PIWIL2: variants seen among roughly 807,000 people sequenced by gnomAD.
PIWIL2 encodes the protein piwi-like protein 2.
PIWIL2 carries 81 observed loss-of-function variants against 116.5 expected under a neutral mutation model. That is an observed-to-expected ratio of 0.70 (90% confidence interval 0.58 to 0.84). The LOEUF is 0.84. Among genes scored for constraint, PIWIL2 ranks in the 40% least tolerant of loss-of-function variants. The pLI is 0.00. For missense variants in PIWIL2, 1,272 were observed against 1,212.3 expected (o/e 1.05, Z -0.73); for synonymous variants, 489 against 429.5 (o/e 1.14, Z -1.71).
chr8:22,335,936 CCATGAGAAAGA>C (rs1831971648), intron 20 of PIWIL2, among the ~76,000 whole-genome samples: 1 of 152,046 alleles, frequency 6.6e-6, no homozygotes, highest in Admixed American at 6.6e-5. Flanking sequence ...AAGAGTCAAT[CCATGAGAAAGA>C]CATAACAATT....
chr8:22,279,511 G>T lies in PIWIL2; in HGVS notation c.125G>T (p.Gly42Val), dbSNP rs1364481152. Residue 42 changes from glycine to valine, a missense_variant, in exon 2 of 23, where the codon GGA becomes GTA. Transcript: ENST00000356766. ...CCTTTGGACCCAGCTCTGGGCAGGG[G>T]AGCACCTGCAGGCAGAGGCCATGTA... ...SKPLDPALGR[G>V]APAGRGHVFG... The T allele has an allele frequency of 6.2e-7, 1 of 1,614,212 alleles. No individual in the cohort carries two copies. The highest frequency in any genetic ancestry group is 1.7e-5 in the Admixed American group (1 of 60,014).
intron 20 of PIWIL2, among the ~76,000 whole-genome samples, chr8:22,349,818 C>T (rs530411074): frequency 4.1e-4 from 63 of 152,308 alleles, no homozygotes; most frequent in Non-Finnish European, 7.3e-5. Context: ...AGGCTAACTC[C>T]TGGGGTTTCA....
intron 5 of PIWIL2, 100 bp downstream of exon 5, chr8:22,283,340 C>T: frequency 1.1e-6 from 1 of 877,394 alleles, no homozygotes; most frequent in Non-Finnish European, 1.8e-6. Context: ...GTTGGGTCCT[C>T]CCTGGGTAAT....
intron 19 of PIWIL2, among the ~76,000 whole-genome samples, chr8:22,317,808 C>T (rs536358525): frequency 8.6e-4 from 131 of 152,100 alleles, no homozygotes; most frequent in Non-Finnish European, 1.5e-3. Flanking sequence ...TACAGGTGTC[C>T]GCCACCACGC....
At chr8:22,314,881 A>G (rs1200033958) in intron 17 of PIWIL2, 148 bp from the exon 18 acceptor site, 9 of 629,820 alleles carry the variant, frequency 1.4e-5, no homozygotes, top group Non-Finnish European at 2.3e-5. Flanking sequence ...ATGCCTAGAA[A>G]CCCTAGAATT....
At chr8:22,318,095 C>T in intron 19 of PIWIL2, 75 bp from the exon 20 acceptor site, 1 of 858,770 alleles carries the variant, frequency 1.2e-6, no homozygotes, top group Non-Finnish European at 1.9e-6. Flanking sequence ...GTGTTACTGA[C>T]ATAAGCCATA....
intron 13 of PIWIL2, among the ~76,000 whole-genome samples, chr8:22,306,346 G>T (rs1831177643): frequency 6.6e-6 from 1 of 152,234 alleles, no homozygotes; most frequent in African/African-American, 2.4e-5. Context: ...ATATGACCAT[G>T]GGTGAGGTTC....
In PIWIL2 at chr8:22,313,938, T is replaced by G. The variant is rs562257299; in HGVS notation, c.1990-390T>G. On this transcript the variant is annotated intron_variant, in intron 16 of 22. Coordinates refer to ENST00000356766, the MANE Select transcript of PIWIL2 (RefSeq NM_018068.5). ...TGGTTAAAGTTCTGTGGTATGAGTGTAATAAGTTGTTTAGTAAACCAAAGA... is the reference window on the plus strand; with the variant it reads ...TGGTTAAAGTTCTGTGGTATGAGTGGAATAAGTTGTTTAGTAAACCAAAGA... 5.9e-5 allele frequency among the ~76,000 whole-genome samples: 9 copies of G among 152,308 alleles called. No homozygotes were observed. In the South Asian group the frequency reaches 1.7e-3, roughly 28 times the overall value.
intron 20 of PIWIL2, among the ~76,000 whole-genome samples, chr8:22,335,055 C>CA (rs35685695): frequency 0.011 from 573 of 50,092 alleles, 6 homozygotes; most frequent in African/African-American, 0.032. Flanking sequence ...ACTCTTGTCT[C>CA]AAAAAAAAAA....
At chr8:22,301,710 G>C (rs1831053666) in intron 10 of PIWIL2, among the ~76,000 whole-genome samples, 1 of 145,472 alleles carries the variant, frequency 6.9e-6, no homozygotes, top group Admixed American at 7.3e-5. Context: ...CTAACTCGAG[G>C]TCGCAAAGAT....
rs1286049364 is a variant in PIWIL2, at chr8:22,357,196, T to A, written c.*1691T>A. On this transcript the variant is annotated 3_prime_UTR_variant, in exon 23 of 23. Transcript: ENST00000356766. The stretch of plus-strand genomic sequence containing the variant: ...ACAAGAAAACCAAGAATGTTTTTGG[T>A]TTGTTGCGGTGCCCAGCCGAGGTTG... 6.6e-6 allele frequency: 1 copy of A among 152,194 alleles called. No homozygotes were observed. The highest frequency in any genetic ancestry group is 1.5e-5 in the Non-Finnish European group (1 of 68,026). The allele number at this position is 152,194 out of a possible 1,614,324, so 9.4% of individuals were successfully genotyped here.
chr8:22,308,661 TTAAC>T (rs771724200), intron 14 of PIWIL2, among the ~76,000 whole-genome samples: 16 of 152,018 alleles, frequency 1.1e-4, no homozygotes, highest in Non-Finnish European at 1.6e-4. Context: ...TCAAAAAAAA[TTAAC>T]TAATTTAAAA....
At position 22,346,299 on chromosome 8, in the gene PIWIL2, A is replaced by G. The variant is rs1190091780; in HGVS notation, c.2404-6660A>G. Reference sequence around the variant, plus strand: ...GAACTATATTTCAATAAAGCTGTTCAAAATAAAAAGCACTCCTCCACCTCA... The same window carrying G: ...GAACTATATTTCAATAAAGCTGTTCGAAATAAAAAGCACTCCTCCACCTCA... On this transcript the variant is annotated intron_variant, in intron 20 of 22. Transcript: ENST00000356766. Among the ~76,000 whole-genome samples the G allele has an allele frequency of 4.6e-5, 7 of 152,214 alleles. No homozygotes were observed. The East Asian group carries it at 1.3e-3, about 29-fold the overall frequency.
chr8:22,330,130 T>C (rs1369466883), intron 20 of PIWIL2, among the ~76,000 whole-genome samples: 1 of 150,880 alleles, frequency 6.6e-6, no homozygotes, highest in East Asian at 1.9e-4. Flanking sequence ...TCTTCATTTT[T>C]CTTTCTTATT....
At chr8:22,298,958 T>C (rs899684871) in intron 10 of PIWIL2, among the ~76,000 whole-genome samples, 1 of 152,186 alleles carries the variant, frequency 6.6e-6, no homozygotes, top group African/African-American at 2.4e-5. Context: ...TGCAAAAGTG[T>C]GTTTGCTGAA....
rs906124899 is a variant in PIWIL2, at chr8:22,318,349, C to T, written c.2403+74C>T. 14 of 809,976 alleles carry T rather than the reference C, an allele frequency of 1.7e-5. No individual in the cohort carries two copies. The African/African-American group carries it at 1.9e-4, about 11-fold the overall frequency. 50.2% of individuals were successfully genotyped at this position (809,976 alleles called of 1,614,324 possible). A position where few individuals can be genotyped will look rare whatever the true frequency, so the allele number is the denominator to read the frequency against. Reference sequence around the variant, plus strand: ...TTTTTTTTTTTGAGACAGAGTCTCACTCTTGTCGCCCAGGTTGGAGTGCAG... The same window carrying T: ...TTTTTTTTTTTGAGACAGAGTCTCATTCTTGTCGCCCAGGTTGGAGTGCAG... On this transcript the variant is annotated intron_variant, in intron 20 of 22. Transcript: ENST00000356766.
chr8:22,343,117 C>T (rs1586595755), intron 20 of PIWIL2, among the ~76,000 whole-genome samples: 1 of 151,718 alleles, frequency 6.6e-6, no homozygotes, highest in East Asian at 1.9e-4. Context: ...AAATACAAAA[C>T]TTAGGCCAGG....
At chr8:22,292,050 G>C (rs1830779760) in intron 10 of PIWIL2, among the ~76,000 whole-genome samples, 1 of 152,138 alleles carries the variant, frequency 6.6e-6, no homozygotes, top group Non-Finnish European at 1.5e-5. Flanking sequence ...GGGAGAAGAA[G>C]CTTTTGGCAT....
chr8:22,333,536 C>T (rs1280047300), intron 20 of PIWIL2, among the ~76,000 whole-genome samples: 2 of 151,938 alleles, frequency 1.3e-5, no homozygotes, highest in African/African-American at 4.8e-5. Context: ...CGCTTGAACC[C>T]GGGAGGCAGA....
Sources: allele counts gnomAD v4.1 joint callset (sites outside exome capture counted in the v4.1 genomes callset), GRCh38; gene constraint gnomAD v4.1.1; transcripts MANE v1.5; gene names NCBI Gene and HGNC (gene_info 2026-07-23, HGNC 2026-07-21).